Variants in CTRC observed in about 807,000 individuals in gnomAD.
The protein encoded by CTRC is chymotrypsin C, also known as chymotrypsin-C.
Under a neutral mutation model 35.7 loss-of-function variants are expected in CTRC, and 32 were observed. The observed-to-expected ratio is 0.90, with a 90% confidence interval of 0.68 to 1.20. The LOEUF is 1.20. Among genes scored for constraint, CTRC ranks in the 50% most tolerant of loss-of-function variants. CTRC has a pLI of 0.00. For synonymous variants in CTRC, 119 were observed against 149.5 expected (o/e 0.80, Z 1.49); for missense variants, 324 against 361.5 (o/e 0.90, Z 0.84).
chr1:15,443,329 T>A (rs559074799), intron 4 of CTRC, 90 bp from the exon 5 acceptor site: 70 of 1,540,178 alleles, frequency 4.5e-5, no homozygotes, highest in Non-Finnish European at 6.0e-5. Context: ...ACCCTGGGCC[T>A]GACTCCCAAC....
In CTRC at chr1:15,443,740, G is replaced by C. The variant is rs76562284; in HGVS notation, c.493+185G>C. 0.011 allele frequency among the ~76,000 whole-genome samples: 1,714 copies of C among 152,350 alleles called. 33 individuals carry two copies. The highest frequency in any genetic ancestry group is 0.038 in the African/African-American group (1,580 of 41,574). ...GACACTCTAGCAAGGGTCTCTGAGA[G>C]ATGTGGTAAAGTTTAGACGAATTAG... is the stretch of plus-strand genomic sequence containing the variant. On this transcript the variant is annotated intron_variant, in intron 5 of 7. Coordinates refer to ENST00000375949, the MANE Select transcript of CTRC (RefSeq NM_007272.3).
rs1276621082 is a variant in CTRC at position 15,438,722 on chromosome 1, C to T, written c.40+218C>T. Among the ~76,000 whole-genome samples, 12 of 152,176 alleles carry T rather than the reference C, an allele frequency of 7.9e-5. No individual in the cohort carries two copies. In the East Asian group the frequency reaches 1.3e-3, roughly 17 times the overall value. On this transcript the variant is annotated intron_variant, in intron 1 of 7. Transcript: ENST00000375949. ...CTGCAAAACAGGGAAGATGATCTGA[C>T]GTGTCCCCAGTTAGAAATGAGGTGT...
At chr1:15,443,718 A>C (rs1708171245) in intron 5 of CTRC, among the ~76,000 whole-genome samples, 163 bp downstream of exon 5, 1 of 152,190 alleles carries the variant, frequency 6.6e-6, no homozygotes, top group Non-Finnish European at 1.5e-5. Context: ...TGTGACAGAC[A>C]CTCTAGCAAG....
At chr1:15,446,475 C>A in intron 7 of CTRC, 100 bp from the exon 8 acceptor site, 1 of 1,199,228 alleles carries the variant, frequency 8.3e-7, no homozygotes, top group South Asian at 1.2e-5. Context: ...CCGGGGGCTG[C>A]TGGCCATGCC....
chr1:15,441,301 C>T (rs1004617841), intron 3 of CTRC, among the ~76,000 whole-genome samples: 12 of 152,088 alleles, frequency 7.9e-5, no homozygotes, highest in African/African-American at 2.2e-4. Context: ...TGGGACATTT[C>T]GGAGAGCTAA....
intron 1 of CTRC, 50 bp downstream of exon 1, chr1:15,438,554 C>A: frequency 6.2e-7 from 1 of 1,608,656 alleles, no homozygotes; most frequent in South Asian, 1.1e-5. Flanking sequence ...CTCGGGCTGG[C>A]CTCCAGGGCA....
Position 15,440,400 on chromosome 1 carries a change from G to T in CTRC, c.132+9G>T. 1 of 1,612,580 alleles carries T rather than the reference G, an allele frequency of 6.2e-7. No homozygotes were observed. Among genetic ancestry groups the T allele is most frequent in the Non-Finnish European group, 8.5e-7 (1 of 1,179,396 alleles). ...ACAGCTGGCCCTGGCAGGTAAGCCT[G>T]TGTAGGGCTGGGAGGTACAGATAGA... is the stretch of plus-strand genomic sequence containing the variant. On this transcript the variant is annotated intron_variant, in intron 2 of 7. Coordinates refer to ENST00000375949, the MANE Select transcript of CTRC (RefSeq NM_007272.3).
Position 15,444,513 on chromosome 1 carries a change from T to C in CTRC, c.494-93T>C. 3 of 1,509,096 alleles carry C rather than the reference T, an allele frequency of 2.0e-6. 1 individual carries two copies. In the South Asian group the frequency reaches 3.4e-5, roughly 17 times the overall value. 93.5% of individuals were successfully genotyped at this position (1,509,096 alleles called of 1,614,324 possible). ...CTGTCTCAGCCGGCGCTCCCCTGGG[T>C]CCTGTCCCAGGCATCTGCTCCCTGA... On this transcript the variant is annotated intron_variant, in intron 5 of 7. Coordinates refer to ENST00000375949, the MANE Select transcript of CTRC (RefSeq NM_007272.3).
At chr1:15,442,405 G>A (rs1708147942) in intron 3 of CTRC, 42 bp from the exon 4 acceptor site, 3 of 1,580,982 alleles carry the variant, frequency 1.9e-6, no homozygotes, top group Admixed American at 1.9e-5. Context: ...TGGCTGGCAG[G>A]ACCAGGGGGC....
Position 15,446,760 on chromosome 1 carries a change from A to C in CTRC, c.*171A>C. On this transcript the variant is annotated 3_prime_UTR_variant, in exon 8 of 8. Coordinates refer to ENST00000375949, the MANE Select transcript of CTRC (RefSeq NM_007272.3). ...AGACCCCACTCAGCCAGTTTCCCCC[A>C]CCCTGCATTAGACAGGTGGGGAAAC... 2 of 769,154 alleles carry C rather than the reference A, an allele frequency of 2.6e-6. No homozygotes were observed. The highest frequency in any genetic ancestry group is 2.3e-6 in the Non-Finnish European group (1 of 443,576). The allele number at this position is 769,154 out of a possible 1,614,324, so 47.6% of individuals were successfully genotyped here.
At position 15,448,661 on chromosome 1, in the gene CTRC, G is replaced by C. The variant is rs1708255253; in HGVS notation, c.*2072G>C. 1 of 151,772 alleles carries C rather than the reference G, an allele frequency of 6.6e-6. No individual in the cohort carries two copies. Among genetic ancestry groups the C allele is most frequent in the African/African-American group, 2.4e-5 (1 of 41,292 alleles). 9.4% of individuals were successfully genotyped at this position (151,772 alleles called of 1,614,324 possible). ...GTGCCCGGCCCCAGCTAATTTTTTT[G>C]TATTTTTTTAGTAGAGATGGGGTTT... is the stretch of plus-strand genomic sequence containing the variant. On this transcript the variant is annotated 3_prime_UTR_variant, in exon 8 of 8. Coordinates refer to ENST00000375949, the MANE Select transcript of CTRC (RefSeq NM_007272.3).
chr1:15,442,705 T>TAA, intron 4 of CTRC, 133 bp downstream of exon 4: 1 of 1,303,952 alleles, frequency 7.7e-7, no homozygotes. Flanking sequence ...AGCAAATGAC[T>TAA]GTCTTACACA....
At chr1:15,439,107 T>G (rs1285732717) in intron 1 of CTRC, among the ~76,000 whole-genome samples, 5 of 152,118 alleles carry the variant, frequency 3.3e-5, no homozygotes, top group Non-Finnish European at 7.4e-5. Flanking sequence ...TAGGAGCCAA[T>G]TTAATCCTCA....
intron 1 of CTRC, 67 bp from the exon 2 acceptor site, chr1:15,440,233 C>CCCCCCCCCCCCCCCCCCCGGGGG: frequency 1.5e-6 from 1 of 671,384 alleles, no homozygotes. Context: ...CCTGCCCACC[C>CCCCCCCCCCCCCCCCCCCGGGGG]TCCCACCCCT....
intron 3 of CTRC, among the ~76,000 whole-genome samples, chr1:15,441,171 C>A (rs1420428712): frequency 6.6e-6 from 1 of 151,950 alleles, no homozygotes; most frequent in East Asian, 1.9e-4. Flanking sequence ...CAGAGTGAGA[C>A]TCTGTCTCAA....
chr1:15,445,239 C>T (rs545022238), intron 6 of CTRC, among the ~76,000 whole-genome samples: 1 of 152,302 alleles, frequency 6.6e-6, no homozygotes, highest in Admixed American at 6.5e-5. Flanking sequence ...CCTTCCTCAC[C>T]TTCCCAGGCC....
chr1:15,442,746 C>T (rs1009623611), intron 4 of CTRC, among the ~76,000 whole-genome samples, 174 bp downstream of exon 4: 2 of 151,932 alleles, frequency 1.3e-5, no homozygotes, highest in African/African-American at 4.8e-5. Flanking sequence ...GAGACAAATA[C>T]CCCCTCATAT....
intron 1 of CTRC, 75 bp from the exon 2 acceptor site, chr1:15,440,225 T>TTGGG: frequency 6.6e-6 from 4 of 608,666 alleles, no homozygotes; most frequent in East Asian, 6.7e-5. Flanking sequence ...TTCTTCCACC[T>TTGGG]GCCCACCCTC....
chr1:15,440,412 G>A, intron 2 of CTRC, 21 bp downstream of exon 2: 22 of 1,612,562 alleles, frequency 1.4e-5, no homozygotes, highest in Middle Eastern at 3.3e-4. Flanking sequence ...GTAGGGCTGG[G>A]AGGTACAGAT....
Sources: gnomAD v4.1 joint callset for allele counts (sites outside exome capture counted in the v4.1 genomes callset) on GRCh38, gnomAD v4.1.1 for gene constraint, MANE v1.5 for transcripts, NCBI Gene and HGNC (gene_info 2026-07-23, HGNC 2026-07-21) for gene names.